PLAC1: variants seen among roughly 807,000 people sequenced by gnomAD.
The protein encoded by PLAC1 is placenta-specific protein 1.
For synonymous variants in PLAC1, 68 were observed against 62.1 expected (o/e 1.09, Z -0.44); for missense variants, 136 against 163.2 (o/e 0.83, Z 0.91).
intron 1 of PLAC1, among the ~76,000 whole-genome samples, chrX:134,640,847 C>T (rs1029398928): frequency 8.9e-6 from 1 of 112,222 alleles, no homozygotes; most frequent in Non-Finnish European, 1.9e-5. Flanking sequence ...TGCAGTGGCT[C>T]GCACTTGTAA....
chrX:134,622,246 G>A (rs1288038489), intron 1 of PLAC1, among the ~76,000 whole-genome samples: 5 of 111,972 alleles, frequency 4.5e-5, no homozygotes, highest in Non-Finnish European at 9.4e-5. Context: ...GTGCTGAGCG[G>A]GGACAGCCTG....
At chrX:134,588,624 G>A (rs986463171) in intron 2 of PLAC1, among the ~76,000 whole-genome samples, 1 of 110,800 alleles carries the variant, frequency 9.0e-6, no homozygotes, top group Non-Finnish European at 1.9e-5. Flanking sequence ...CCAGGAGAGA[G>A]AGGAGCCTGG....
At chrX:134,665,101 A>AGTGTGTTTGTGTGTGT in intron 2 of PLAC1, among the ~76,000 whole-genome samples, 1 of 103,219 alleles carries the variant, frequency 9.7e-6, no homozygotes, top group East Asian at 3.0e-4. Flanking sequence ...TGTGTATGTG[A>AGTGTGTTTGTGTGTGT]GTGTGTTTGT....
intron 1 of PLAC1, among the ~76,000 whole-genome samples, chrX:134,746,734 T>C (rs1203943090): frequency 8.9e-6 from 1 of 111,937 alleles, no homozygotes; most frequent in Admixed American, 9.5e-5. Flanking sequence ...AACCATACAT[T>C]AACATTAGTG....
At chrX:134,596,227 T>A (rs1296683883) in intron 2 of PLAC1, among the ~76,000 whole-genome samples, 1 of 112,398 alleles carries the variant, frequency 8.9e-6, no homozygotes, top group Non-Finnish European at 1.9e-5. Context: ...GCTTCAACCA[T>A]CAAACAAAAT....
chrX:134,714,939 C>T (rs1339009901), intron 2 of PLAC1, among the ~76,000 whole-genome samples: 1 of 111,868 alleles, frequency 8.9e-6, no homozygotes, highest in East Asian at 2.8e-4. Context: ...CGCCTTTGAA[C>T]TGTGTAAACA....
chrX:134,642,078 GACTCTA>G (rs1339000685), intron 1 of PLAC1, among the ~76,000 whole-genome samples: 1 of 111,932 alleles, frequency 8.9e-6, no homozygotes, highest in African/African-American at 3.3e-5. Context: ...GCAGCCTGCA[GACTCTA>G]ACTCTAGTCA....
At chrX:134,663,460 G>A (rs780525880), upstream of PLAC1, among the ~76,000 whole-genome samples, 5 of 113,029 alleles carry the variant, frequency 4.4e-5, no homozygotes, top group East Asian at 2.8e-4. Flanking sequence ...GCGCACGCGC[G>A]TGCACGTGTG....
chrX:134,569,788 T>TTTG (rs1556040338), intron 2 of PLAC1, among the ~76,000 whole-genome samples: 508 of 47,370 alleles, frequency 0.011, 1 homozygote, highest in Middle Eastern at 0.032. Flanking sequence ...GTGTGTGTGT[T>TTTG]TGTGTGTGTG....
intron 2 of PLAC1, among the ~76,000 whole-genome samples, chrX:134,701,328 A>C (rs754951244): frequency 1.5e-4 from 17 of 111,904 alleles, no homozygotes; most frequent in Non-Finnish European, 3.0e-4. Context: ...ACATACTATA[A>C]AAATTCTAGA....
intron 1 of PLAC1, among the ~76,000 whole-genome samples, chrX:134,756,183 AT>A (rs1217640105): frequency 9.1e-6 from 1 of 109,674 alleles, no homozygotes; most frequent in African/African-American, 3.3e-5. Flanking sequence ...TGCCTATCTG[AT>A]TTTTGCCATG....
At chrX:134,708,536 T>TTTC (rs1462816319) in intron 2 of PLAC1, among the ~76,000 whole-genome samples, 8 of 95,378 alleles carry the variant, frequency 8.4e-5, no homozygotes, top group African/African-American at 3.0e-4. Flanking sequence ...TTCTGTATCT[T>TTTC]TTTTTTTTTT....
intron 1 of PLAC1, among the ~76,000 whole-genome samples, chrX:134,647,926 G>A: frequency 9.0e-6 from 1 of 110,696 alleles, no homozygotes. Flanking sequence ...ACACCCTTGG[G>A]CAGTTTTTTG....
At chrX:134,748,215 G>A (rs934136120) in intron 1 of PLAC1, among the ~76,000 whole-genome samples, 6 of 109,426 alleles carry the variant, frequency 5.5e-5, no homozygotes, top group Non-Finnish European at 9.5e-5. Context: ...CTGTAATCTC[G>A]GCTACTCAGG....
At chrX:134,597,421 A>G (rs974998412) in intron 2 of PLAC1, among the ~76,000 whole-genome samples, 3 of 112,256 alleles carry the variant, frequency 2.7e-5, no homozygotes, top group Non-Finnish European at 5.6e-5. Context: ...AAGCATTTTT[A>G]TGATAGCTGT....
chrX:134,713,852 C>T (rs1380146321), intron 2 of PLAC1, among the ~76,000 whole-genome samples: 2 of 111,533 alleles, frequency 1.8e-5, no homozygotes, highest in African/African-American at 3.3e-5. Context: ...GTACAGGGTC[C>T]GGATGGTCCC....
intron 1 of PLAC1, among the ~76,000 whole-genome samples, chrX:134,604,833 CCCTTTG>C (rs2078114870): frequency 9.0e-6 from 1 of 111,408 alleles, no homozygotes; most frequent in South Asian, 3.8e-4. Context: ...AACAACACTG[CCCTTTG>C]TAAGCTCCCA....
chrX:134,637,034 G>A (rs1415990713), intron 1 of PLAC1, among the ~76,000 whole-genome samples: 1 of 112,544 alleles, frequency 8.9e-6, no homozygotes, highest in East Asian at 2.8e-4. Context: ...CAACCCAAAT[G>A]AAAGCAGTGA....
intron 2 of PLAC1, among the ~76,000 whole-genome samples, chrX:134,685,041 C>T (rs2078511596): frequency 8.9e-6 from 1 of 112,157 alleles, no homozygotes. Context: ...ACTAGCTGCT[C>T]CAGAGGGCCT....
Sources: gnomAD v4.1 joint callset for allele counts (sites outside exome capture counted in the v4.1 genomes callset) on GRCh38, gnomAD v4.1.1 for gene constraint, MANE v1.5 for transcripts, NCBI Gene and HGNC (gene_info 2026-07-23, HGNC 2026-07-21) for gene names.